The following FAAP24 variants were observed in gnomAD, a reference collection of about 807,000 sequenced individuals.
FAAP24 encodes Fanconi anemia core complex-associated protein 24.
Under a neutral mutation model 14.3 loss-of-function variants are expected in FAAP24, and 16 were observed. The ratio of observed to expected loss-of-function variants is 1.12; its 90% CI spans 0.76 to 1.69. FAAP24 has a LOEUF of 1.69. FAAP24 is among the 40% of genes most tolerant of loss of function. FAAP24 has a pLI of 0.00. For missense variants in FAAP24, 234 were observed against 262.7 expected (o/e 0.89, Z 0.75); for synonymous variants, 111 against 106.2 (o/e 1.04, Z -0.28).
rs375549161 is a variant in FAAP24, at chr19:32,976,472, C to T, written c.438C>T (p.Leu146=). The change falls in exon 5 of 5, where the codon CTC becomes CTT. Residue 146 remains leucine (L), a synonymous_variant. Transcript: ENST00000588258. ...QTKEPSKNPL[L]GKKRALLLSE... ...AAGAGCCCAGTAAGAACCCTCTTCT[C>T]GGGAAGAAACGGGCCCTGCTGCTGT... The T allele has an allele frequency of 1.9e-5, 30 of 1,614,086 alleles. No homozygotes were observed. The highest frequency in any genetic ancestry group is 1.6e-4 in the Middle Eastern group (1 of 6,084).
In FAAP24 at chr19:32,977,098, T is replaced by C. The variant is rs934996764; in HGVS notation, c.*416T>C. ...AAGGATTTTCTCCAGCAGCAACCAG[T>C]GAAAGATGAGGCGAGGCTTGAATGG... On this transcript the variant is annotated 3_prime_UTR_variant, in exon 5 of 5. Transcript: ENST00000588258. 54 of 404,020 alleles carry C rather than the reference T, an allele frequency of 1.3e-4. No homozygotes were observed. Among genetic ancestry groups the C allele is most frequent in the Middle Eastern group, 6.3e-4 (1 of 1,580 alleles). The allele number at this position is 404,020 out of a possible 1,614,324, so 25.0% of individuals were successfully genotyped here.
rs1971488889 is a variant in FAAP24, at chr19:32,974,280, C to A, written c.396+68C>A. On this transcript the variant is annotated intron_variant, in intron 4 of 4. Transcript: ENST00000588258. ...TGGACACTCAGCTGCTCTCCAGAAG[C>A]AACCATCAATCCAATCTATGTCATT... 1.9e-5 allele frequency: 28 copies of A among 1,504,446 alleles called. No individual in the cohort carries two copies. The South Asian group carries it at 3.1e-4, about 17-fold the overall frequency. 93.2% of individuals were successfully genotyped at this position (1,504,446 alleles called of 1,614,324 possible). A position where few individuals can be genotyped will look rare whatever the true frequency, so the allele number is the denominator to read the frequency against.
At position 32,973,458 on chromosome 19, in the gene FAAP24, A is replaced by C. The variant is rs1971470447; in HGVS notation, c.139A>C (p.Thr47Pro). The change falls in exon 3 of 5, where the codon ACA becomes CCA. Residue 47 changes from threonine (T) to proline (P), a missense_variant. Transcript: ENST00000588258. ...KIKLIFEDGL[T>P]PDFYLSNRCC... Reference sequence around the variant, plus strand: ...TAAGCTCATTTTCGAGGATGGCTTGACACCAGACTTTTATCTGTCGAACAG... The same window carrying C: ...TAAGCTCATTTTCGAGGATGGCTTGCCACCAGACTTTTATCTGTCGAACAG... The C allele has an allele frequency of 6.2e-7, 1 of 1,614,104 alleles. No individual in the cohort carries two copies. Among genetic ancestry groups the C allele is most frequent in the Non-Finnish European group, 8.5e-7 (1 of 1,180,046 alleles).
At chr19:32,973,630 G>A in intron 3 of FAAP24, 68 bp downstream of exon 3, 1 of 1,551,472 alleles carries the variant, frequency 6.4e-7, no homozygotes, top group South Asian at 1.1e-5. Context: ...CAAGGCGGGT[G>A]GATCACCTGA....
chr19:32,974,913 T>G (rs370758590), intron 4 of FAAP24, among the ~76,000 whole-genome samples: 3 of 151,988 alleles, frequency 2.0e-5, no homozygotes, highest in East Asian at 3.9e-4. Context: ...TCTCGCTCTG[T>G]CCTACAGGCC....
intron 1 of FAAP24, 75 bp downstream of exon 1, chr19:32,972,421 T>A (rs1295913540): frequency 2.5e-6 from 1 of 401,218 alleles, no homozygotes; most frequent in Non-Finnish European, 4.4e-6. Context: ...GACAGGAATC[T>A]CCTGGTTCTT....
chr19:32,974,817 G>A (rs1209143143), intron 4 of FAAP24, among the ~76,000 whole-genome samples: 3 of 151,944 alleles, frequency 2.0e-5, no homozygotes, highest in African/African-American at 7.2e-5. Flanking sequence ...ATGTTAACTA[G>A]AAGCTGCTTT....
In FAAP24 at chr19:32,977,448, C is replaced by T. The variant is rs1224495118; in HGVS notation, c.*766C>T. On this transcript the variant is annotated 3_prime_UTR_variant, in exon 5 of 5. Transcript: ENST00000588258. ...GTTCATCAGGTCTGGCCTTCATATA[C>T]CCGTACTGCGAGGGCTGTTTCCAAT... 7.5e-6 allele frequency: 3 copies of T among 398,474 alleles called. No individual in the cohort carries two copies. Among genetic ancestry groups the T allele is most frequent in the African/African-American group, 2.1e-5 (1 of 48,600 alleles). 24.7% of individuals were successfully genotyped at this position (398,474 alleles called of 1,614,324 possible).
chr19:32,973,310 G>C lies in FAAP24; in HGVS notation c.106+8G>C. 6.2e-7 allele frequency: 1 copy of C among 1,613,758 alleles called. No homozygotes were observed. Among genetic ancestry groups the C allele is most frequent in the East Asian group, 2.2e-5 (1 of 44,854 alleles). On this transcript the variant is annotated splice_region_variant and intron_variant, in intron 2 of 4. Transcript: ENST00000588258. ...TGGCGCAGGAGATGCAAGGTCGGTG[G>C]CCTGCCCTCTGCCAGCCCTTTCCTC...
intron 3 of FAAP24, 44 bp from the exon 4 acceptor site, chr19:32,974,016 G>A (rs1391782210): frequency 6.2e-7 from 1 of 1,604,154 alleles, no homozygotes; most frequent in East Asian, 2.2e-5. Flanking sequence ...AACCTGAAAA[G>A]CAATTTGGTT....
chr19:32,973,400 A>G (rs771789450), intron 2 of FAAP24, 26 bp from the exon 3 acceptor site: 25 of 1,609,854 alleles, frequency 1.6e-5, no homozygotes, highest in Non-Finnish European at 2.0e-5. Flanking sequence ...AGCTTATGGA[A>G]CTCATTTTCT....
In FAAP24 at chr19:32,974,224, TTC is replaced by T; in HGVS notation, c.396+13_396+14del. ...TCGTCATCCAGTTGGTGAGTACCGATTCCTACACCTTCGTGGTAGTCCTGTCC... is the reference window on the plus strand; with the variant it reads ...TCGTCATCCAGTTGGTGAGTACCGATCTACACCTTCGTGGTAGTCCTGTCC... On this transcript the variant is annotated intron_variant, in intron 4 of 4. Coordinates refer to ENST00000588258, the MANE Select transcript of FAAP24 (RefSeq NM_152266.5). The T allele has an allele frequency of 6.2e-7, 1 of 1,607,594 alleles. No homozygotes were observed. Among genetic ancestry groups the T allele is most frequent in the Non-Finnish European group, 8.5e-7 (1 of 1,177,678 alleles).
Position 32,975,943 on chromosome 19 carries a change from G to C in FAAP24, c.397-488G>C, listed in dbSNP as rs371541875. On this transcript the variant is annotated intron_variant, in intron 4 of 4. Coordinates refer to ENST00000588258, the MANE Select transcript of FAAP24 (RefSeq NM_152266.5). ...GAGAGCCACATTGAAGATGCAAGCA[G>C]CCATGAATGGTTCACAGATCCCTCT... Among the ~76,000 whole-genome samples, 17 of 152,306 alleles carry C rather than the reference G, an allele frequency of 1.1e-4. No homozygotes were observed. The East Asian group carries it at 2.9e-3, about 26-fold the overall frequency.
At chr19:32,975,445 C>A (rs1222972598) in intron 4 of FAAP24, among the ~76,000 whole-genome samples, 2 of 149,698 alleles carry the variant, frequency 1.3e-5, no homozygotes, top group African/African-American at 4.9e-5. Context: ...TTCTGGGCCA[C>A]CGCACCAACC....
In FAAP24 at chr19:32,976,631, C is replaced by T. The variant is rs114896387; in HGVS notation, c.597C>T (p.Val199=). Residue 199 remains valine (V), a synonymous_variant, in exon 5 of 5, where the codon GTC becomes GTT. Transcript: ENST00000588258. ...NASIGELEQV[V]GQAVAQQIHA... is the part of the protein sequence containing the mutation. The stretch of plus-strand genomic sequence containing the variant: ...CCATTGGGGAACTGGAGCAGGTGGT[C>T]GGACAAGCAGTGGCACAGCAGATCC... The T allele has an allele frequency of 9.0e-4, 1,457 of 1,614,078 alleles. 16 individuals are homozygous for T. In the African/African-American group the frequency reaches 0.017, roughly 19 times the overall value.
chr19:32,974,582 G>C (rs1005473101), intron 4 of FAAP24, among the ~76,000 whole-genome samples: 1 of 152,004 alleles, frequency 6.6e-6, no homozygotes, highest in Non-Finnish European at 1.5e-5. Context: ...CCAGCAGTTC[G>C]AGACCAGCCT....
rs1045185766 is a variant in FAAP24, at chr19:32,977,509, T to A, written c.*827T>A. The stretch of plus-strand genomic sequence containing the variant: ...AACTGCGCAACAGTTCCTTCCTCCT[T>A]TCCTTTGTTCCTCCCTCCCCCCGGC... On this transcript the variant is annotated 3_prime_UTR_variant, in exon 5 of 5. Transcript: ENST00000588258. The A allele has an allele frequency of 7.5e-6, 3 of 398,426 alleles. No individual in the cohort carries two copies. The highest frequency in any genetic ancestry group is 6.2e-5 in the African/African-American group (3 of 48,598). The allele number at this position is 398,426 out of a possible 1,614,324, so 24.7% of individuals were successfully genotyped here. A position where few individuals can be genotyped will look rare whatever the true frequency, so the allele number is the denominator to read the frequency against.
chr19:32,976,497 T>A lies in FAAP24; in HGVS notation c.463T>A (p.Ser155Thr), dbSNP rs1339917981. ...LLGKKRALLLSEPSLLRTVQQ... is the reference protein window; with the variant it reads ...LLGKKRALLLTEPSLLRTVQQ... ...CGGGAAGAAACGGGCCCTGCTGCTG[T>A]CTGAGCCTTCGCTCCTTCGAACCGT... The change falls in exon 5 of 5, where the codon TCT (serine) becomes ACT (threonine). Residue 155 changes from serine to threonine, a missense_variant. Ser to Thr is a moderately conservative substitution (Grantham distance 58). Coordinates refer to ENST00000588258, the MANE Select transcript of FAAP24 (RefSeq NM_152266.5). 3 of 1,614,220 alleles carry A rather than the reference T, an allele frequency of 1.9e-6. No individual in the cohort carries two copies. The highest frequency in any genetic ancestry group is 2.5e-6 in the Non-Finnish European group (3 of 1,180,036).
chr19:32,976,703 G>T lies in FAAP24; in HGVS notation c.*21G>T, dbSNP rs752562187. Reference sequence around the variant, plus strand: ...GGTGAGGGCTGGCCTCAGGGCCACGGCATCTTCTCCTGAGACCACAAACAC... The same window carrying T: ...GGTGAGGGCTGGCCTCAGGGCCACGTCATCTTCTCCTGAGACCACAAACAC... On this transcript the variant is annotated 3_prime_UTR_variant, in exon 5 of 5. Coordinates refer to ENST00000588258, the MANE Select transcript of FAAP24 (RefSeq NM_152266.5). 1.2e-6 allele frequency: 2 copies of T among 1,610,832 alleles called. No individual in the cohort carries two copies. The highest frequency in any genetic ancestry group is 2.2e-5 in the South Asian group (2 of 90,992).
Sources: gnomAD v4.1 joint callset for allele counts (sites outside exome capture counted in the v4.1 genomes callset) on GRCh38, gnomAD v4.1.1 for gene constraint, MANE v1.5 for transcripts, NCBI Gene and HGNC (gene_info 2026-07-23, HGNC 2026-07-21) for gene names.